The following TERB1 variants were observed in gnomAD, a reference collection of about 807,000 sequenced individuals.
TERB1 encodes telomere repeats-binding bouquet formation protein 1.
TERB1 carries 63 observed loss-of-function variants against 92.3 expected under a neutral mutation model. The observed-to-expected ratio is 0.68, with a 90% CI of 0.56 to 0.84. TERB1 has a LOEUF of 0.84. Ranked by LOEUF, TERB1 falls within the 40% of genes least tolerant of loss-of-function variation. The pLI is 0.00. For missense variants in TERB1, 709 were observed against 843.7 expected, an observed-to-expected ratio of 0.84 and a Z score of 1.98; for synonymous variants, 252 against 283.9, an observed-to-expected ratio of 0.89 and a Z score of 1.13.
rs1018986311 is a variant in TERB1 at position 66,768,018 on chromosome 16, G to A, written c.1684+86C>T. The A allele has an allele frequency of 4.0e-5, 44 of 1,103,884 alleles. 1 individual carries two copies. The Middle Eastern group carries it at 8.3e-4, about 21-fold the overall frequency. 68.4% of individuals were successfully genotyped at this position (1,103,884 alleles called of 1,614,324 possible). On this transcript the variant is annotated intron_variant, in intron 15 of 18. Coordinates refer to ENST00000433154, the MANE Select transcript of TERB1 (RefSeq NM_001136505.2). ...GCTGGGATTACAGGCGTGAGCCACC[G>A]CACCCAGTCAATGTGCATTTTTAGC...
rs904824329 is a variant in TERB1 at position 66,755,167 on chromosome 16, T to C, written c.1997-4A>G. ...TTTTTGCGAATTCTTCTTTTTTCTATAATTAGAATTGTAGAATATATTAGT... is the reference window on the plus strand; with the variant it reads ...TTTTTGCGAATTCTTCTTTTTTCTACAATTAGAATTGTAGAATATATTAGT... On this transcript the variant is annotated splice_polypyrimidine_tract_variant and splice_region_variant and intron_variant, in intron 18 of 18. Coordinates refer to ENST00000433154, the MANE Select transcript of TERB1 (RefSeq NM_001136505.2). The C allele has an allele frequency of 3.4e-6, 5 of 1,465,722 alleles. No homozygotes were observed. In the African/African-American group the frequency reaches 7.0e-5, roughly 21 times the overall value. 90.8% of individuals were successfully genotyped at this position (1,465,722 alleles called of 1,614,324 possible).
intron 10 of TERB1, among the ~76,000 whole-genome samples, chr16:66,777,918 C>G (rs908372063): frequency 6.6e-6 from 1 of 152,190 alleles, no homozygotes; most frequent in Non-Finnish European, 1.5e-5. Context: ...TCTAACAATA[C>G]TAATATCAAC....
chr16:66,781,098 C>T (rs2018627597), intron 9 of TERB1, among the ~76,000 whole-genome samples: 1 of 152,176 alleles, frequency 6.6e-6, no homozygotes, highest in Non-Finnish European at 1.5e-5. Flanking sequence ...GTCACCCAGG[C>T]TGGAGTGCAG....
chr16:66,771,173 A>T (rs2018444253), intron 13 of TERB1, among the ~76,000 whole-genome samples: 1 of 152,260 alleles, frequency 6.6e-6, no homozygotes, highest in Admixed American at 6.5e-5. Flanking sequence ...CAGATAGTTT[A>T]TAGGAAAGGA....
intron 14 of TERB1, 140 bp downstream of exon 14, chr16:66,769,823 C>T: frequency 1.5e-6 from 1 of 672,908 alleles, no homozygotes; most frequent in South Asian, 2.0e-5. Flanking sequence ...TTTCCCAACA[C>T]TTCCTACTTT....
At position 66,759,272 on chromosome 16, in the gene TERB1, T is replaced by G. The variant is rs1208101936; in HGVS notation, c.1799A>C (p.Lys600Thr). The G allele has an allele frequency of 6.5e-7, 1 of 1,540,914 alleles. No homozygotes were observed. The highest frequency in any genetic ancestry group is 8.7e-7 in the Non-Finnish European group (1 of 1,144,466). Residue 600 changes from lysine to threonine, a missense_variant, in exon 17 of 19, where the codon AAA becomes ACA. Transcript: ENST00000433154. Reference protein sequence around the residue: ...YRCSGCIAVEKSLNSRNFSKL... With the variant: ...YRCSGCIAVETSLNSRNFSKL... ...GCTAAAGTTTCGGCTATTCAGGGAT[T>G]TTTCTACTGCTATGCAACCTAAAAG...
intron 2 of TERB1, among the ~76,000 whole-genome samples, chr16:66,797,595 C>T (rs1372967004): frequency 6.7e-6 from 1 of 149,702 alleles, no homozygotes; most frequent in Non-Finnish European, 1.5e-5. Flanking sequence ...TTAGGGACCC[C>T]TCTACCTAAG....
chr16:66,784,594 A>G (rs1266174212), intron 9 of TERB1, among the ~76,000 whole-genome samples: 1 of 152,068 alleles, frequency 6.6e-6, no homozygotes, highest in Non-Finnish European at 1.5e-5. Context: ...CGGACTCCCA[A>G]AGTGCTGGGA....
At chr16:66,769,028 C>T (rs1316846824) in intron 14 of TERB1, among the ~76,000 whole-genome samples, 2 of 151,676 alleles carry the variant, frequency 1.3e-5, no homozygotes, top group Non-Finnish European at 2.9e-5. Flanking sequence ...TCACTTGAAC[C>T]CGGGAAGTGG....
At chr16:66,781,698 T>G (rs2018640878) in intron 9 of TERB1, among the ~76,000 whole-genome samples, 1 of 152,024 alleles carries the variant, frequency 6.6e-6, no homozygotes, top group Non-Finnish European at 1.5e-5. Flanking sequence ...TTTTTTGTAT[T>G]TTTAGGAGAG....
At chr16:66,782,642 A>G (rs930635742) in intron 9 of TERB1, among the ~76,000 whole-genome samples, 1 of 151,990 alleles carries the variant, frequency 6.6e-6, no homozygotes, top group African/African-American at 2.4e-5. Context: ...CAGGCAACAC[A>G]GTCCTACGGT....
At chr16:66,794,912 A>ACACAC (rs1252457237) in intron 3 of TERB1, among the ~76,000 whole-genome samples, 9 of 71,900 alleles carry the variant, frequency 1.3e-4, no homozygotes, top group South Asian at 8.2e-4. Flanking sequence ...TCCGTCTCAA[A>ACACAC]AAAAAAAAAA....
At chr16:66,799,025 T>C (rs1959216730) in intron 2 of TERB1, among the ~76,000 whole-genome samples, 1 of 152,238 alleles carries the variant, frequency 6.6e-6, no homozygotes, top group Non-Finnish European at 1.5e-5. Context: ...GTCTCCCATA[T>C]ATAAATACAT....
intron 18 of TERB1, 142 bp downstream of exon 18, chr16:66,758,631 C>G (rs2018176111): frequency 1.8e-6 from 1 of 557,308 alleles, no homozygotes; most frequent in African/African-American, 2.0e-5. Context: ...ATCCCAGCTA[C>G]TTAGGAGGCT....
At chr16:66,791,293 C>T (rs944500694) in intron 3 of TERB1, among the ~76,000 whole-genome samples, 1 of 151,392 alleles carries the variant, frequency 6.6e-6, no homozygotes, top group Non-Finnish European at 1.5e-5. Context: ...TAAAGCCACA[C>T]TGGTTTAAAT....
At position 66,772,732 on chromosome 16, in the gene TERB1, TTAGAGA is replaced by T; in HGVS notation, c.1123_1128del (p.Ser377_Leu378del). 6.5e-7 allele frequency: 1 copy of T among 1,541,166 alleles called. No individual in the cohort carries two copies. On this transcript the variant is annotated inframe_deletion, in exon 13 of 19. Coordinates refer to ENST00000433154, the MANE Select transcript of TERB1 (RefSeq NM_001136505.2). ...TCATCAAAAGGATATTCTCCTAGAC[TTAGAGA>T]TAATTTCTCAGCTTTGTAGTATGGG...
chr16:66,783,145 C>T (rs1367113307), intron 9 of TERB1, among the ~76,000 whole-genome samples: 1 of 152,232 alleles, frequency 6.6e-6, no homozygotes, highest in Non-Finnish European at 1.5e-5. Context: ...TAAGGCACTA[C>T]ACCTAGTCTC....
chr16:66,792,546 T>C (rs552392073), intron 3 of TERB1, among the ~76,000 whole-genome samples: 50 of 152,342 alleles, frequency 3.3e-4, no homozygotes, highest in African/African-American at 1.2e-3. Flanking sequence ...GCTACTAGAA[T>C]CAGTGAACTA....
In TERB1 at chr16:66,777,271, T is replaced by A. The variant is rs1165109548; in HGVS notation, c.917A>T (p.His306Leu). 2 of 1,550,584 alleles carry A rather than the reference T, an allele frequency of 1.3e-6. No homozygotes were observed. Among genetic ancestry groups the A allele is most frequent in the African/African-American group, 2.7e-5 (2 of 73,130 alleles). Residue 306 changes from histidine (H) to leucine (L), a missense_variant, in exon 11 of 19, where the codon CAT becomes CTT. Transcript: ENST00000433154. ...TTTTTCTCCTGAATCCAGACTTTCA[T>A]GAAGCAGTAATGCCAGAAGTTTAGA... ...IVSKLLALLL[H>L]ESLDSGEKFS...
Sources: gnomAD v4.1 joint callset for allele counts (sites outside exome capture counted in the v4.1 genomes callset) on GRCh38, gnomAD v4.1.1 for gene constraint, MANE v1.5 for transcripts, NCBI Gene and HGNC (gene_info 2026-07-23, HGNC 2026-07-21) for gene names.